The following HPCAL1 variants were observed in gnomAD, a reference collection of about 807,000 sequenced individuals.
The protein encoded by HPCAL1 is hippocalcin like 1.
In HPCAL1, 8 loss-of-function variants were observed where a neutral mutation model predicts 17.1. That is an observed-to-expected ratio of 0.47 (90% CI 0.27 to 0.84). The LOEUF (loss-of-function observed/expected upper bound fraction) is 0.84, where lower values mean the gene tolerates loss of function less well. HPCAL1 is among the 40% of genes least tolerant of loss of function. The probability of loss-of-function intolerance (pLI) is 0.13; values close to 1 mark genes in which losing one functional copy is unlikely to be tolerated. For synonymous variants in HPCAL1, 112 were observed against 111.4 expected (o/e 1.01, Z -0.03); for missense variants, 165 against 271.1 (o/e 0.61, Z 2.75).
At chr2:10,382,449 C>T (rs1446687253) in intron 1 of HPCAL1, among the ~76,000 whole-genome samples, 2 of 152,012 alleles carry the variant, frequency 1.3e-5, no homozygotes, top group African/African-American at 2.4e-5. Context: ...GTGATAATGA[C>T]GTGTGAAGAG....
intron 1 of HPCAL1, among the ~76,000 whole-genome samples, chr2:10,366,070 C>T (rs1049026732): frequency 3.9e-5 from 6 of 152,196 alleles, no homozygotes; most frequent in Admixed American, 1.3e-4. Context: ...TCGTGGTTGC[C>T]GCTGCCTCCC....
rs916302514 is a variant in HPCAL1 at position 10,419,354 on chromosome 2, G to A, written c.-24-380G>A. On this transcript the variant is annotated intron_variant, in intron 2 of 4. Transcript: ENST00000307845. This position sits in a 1 kb window ranked among gnomAD's most constrained non-coding sequence, Gnocchi z 5.0. ...GCCCCAAAGAGTCTGGGATGTGGCT[G>A]AGGTGGCCACTTTGCCAGGAGCTGA... Among the ~76,000 whole-genome samples, 1 of 152,208 alleles carries A rather than the reference G, an allele frequency of 6.6e-6. No homozygotes were observed. Among genetic ancestry groups the A allele is most frequent in the African/African-American group, 2.4e-5 (1 of 41,458 alleles).
intron 1 of HPCAL1, among the ~76,000 whole-genome samples, chr2:10,317,540 C>G (rs1405380977): frequency 2.0e-5 from 3 of 151,972 alleles, no homozygotes; most frequent in Non-Finnish European, 4.4e-5. Flanking sequence ...GCCTCAACCT[C>G]CTGAGTATCT....
In HPCAL1 at chr2:10,362,273, G is replaced by A. The variant is rs534635302; in HGVS notation, c.-110-34562G>A. ...AACGGAGCTTCGGAACCCAGGTGTCGAGAATGAGCTGTTGGCACTCAGTCC... is the reference window on the plus strand; with the variant it reads ...AACGGAGCTTCGGAACCCAGGTGTCAAGAATGAGCTGTTGGCACTCAGTCC... On this transcript the variant is annotated intron_variant, in intron 1 of 4. Transcript: ENST00000307845. This position sits in a 1 kb window ranked among gnomAD's most constrained non-coding sequence, Gnocchi z 5.0. Among the ~76,000 whole-genome samples the A allele has an allele frequency of 2.6e-5, 4 of 152,184 alleles. No individual in the cohort carries two copies. Among genetic ancestry groups the A allele is most frequent in the East Asian group, 1.9e-4 (1 of 5,170 alleles).
intron 3 of HPCAL1, among the ~76,000 whole-genome samples, chr2:10,420,563 G>C (rs1388384578): frequency 6.6e-6 from 1 of 151,992 alleles, no homozygotes. Context: ...GGTGCACTTT[G>C]GAAAGTGAGC....
At chr2:10,415,992 C>T (rs1670643804) in intron 2 of HPCAL1, among the ~76,000 whole-genome samples, 1 of 152,202 alleles carries the variant, frequency 6.6e-6, no homozygotes, top group Non-Finnish European at 1.5e-5. Context: ...GCTGCAGGGC[C>T]TCAGGCTGGG....
At chr2:10,309,175 C>T (rs1454489281) in intron 1 of HPCAL1, among the ~76,000 whole-genome samples, 5 of 152,118 alleles carry the variant, frequency 3.3e-5, no homozygotes, top group Admixed American at 1.3e-4. Context: ...GCTAGGACTA[C>T]AGGTACACAC....
intron 2 of HPCAL1, among the ~76,000 whole-genome samples, chr2:10,399,094 G>C (rs1403478501): frequency 6.6e-6 from 1 of 151,814 alleles, no homozygotes; most frequent in Non-Finnish European, 1.5e-5. Context: ...CCCGTGTCAA[G>C]AAGCTGGAGC....
rs554796629 is a variant in HPCAL1, at chr2:10,304,378, C to T, written c.-111+1201C>T. Among the ~76,000 whole-genome samples the T allele has an allele frequency of 4.6e-5, 7 of 152,092 alleles. No homozygotes were observed. The highest frequency in any genetic ancestry group is 1.7e-4 in the African/African-American group (7 of 41,468). Reference sequence around the variant, plus strand: ...CAGATCTCGGGCTCCCGGGGTGTCCCGGCCGCCAAAGGCCACCCCTTTCCT... The same window carrying T: ...CAGATCTCGGGCTCCCGGGGTGTCCTGGCCGCCAAAGGCCACCCCTTTCCT... On this transcript the variant is annotated intron_variant, in intron 1 of 4. Coordinates refer to ENST00000307845, the MANE Select transcript of HPCAL1 (RefSeq NM_002149.4). This position sits in a 1 kb window ranked among gnomAD's most constrained non-coding sequence, Gnocchi z 4.1.
intron 1 of HPCAL1, among the ~76,000 whole-genome samples, chr2:10,313,500 C>T (rs943570022): frequency 3.3e-5 from 5 of 152,228 alleles, no homozygotes; most frequent in Non-Finnish European, 7.3e-5. Flanking sequence ...GGTCAGGGCA[C>T]TGCTAGTGTT....
At chr2:10,368,029 A>G (rs1045902310) in intron 1 of HPCAL1, among the ~76,000 whole-genome samples, 6 of 151,706 alleles carry the variant, frequency 4.0e-5, no homozygotes, top group Non-Finnish European at 7.4e-5. Flanking sequence ...ATGTGTGTGC[A>G]TATGGTGACC....
intron 1 of HPCAL1, among the ~76,000 whole-genome samples, chr2:10,358,413 CT>C (rs1228092696): frequency 6.6e-6 from 1 of 152,218 alleles, no homozygotes; most frequent in Non-Finnish European, 1.5e-5. Context: ...GGCTCCACCC[CT>C]GGGCCCATGC....
intron 1 of HPCAL1, among the ~76,000 whole-genome samples, chr2:10,374,359 G>A (rs1011697313): frequency 1.3e-5 from 2 of 151,894 alleles, no homozygotes; most frequent in East Asian, 1.9e-4. Context: ...ACACACAGTG[G>A]TGTGCAGCCT....
chr2:10,422,817 G>A (rs1010659671), intron 3 of HPCAL1, among the ~76,000 whole-genome samples, 166 bp from the exon 4 acceptor site: 6 of 152,184 alleles, frequency 3.9e-5, no homozygotes, highest in African/African-American at 1.2e-4. Flanking sequence ...ATAGACACCC[G>A]TGAGGTTCAC....
chr2:10,324,816 G>GTTTTT lies in HPCAL1; in HGVS notation c.-111+21659_-111+21663dup, dbSNP rs3036350. On this transcript the variant is annotated intron_variant, in intron 1 of 4. Transcript: ENST00000307845. ...CAATATTGGGTTTGCTGGTTTTTGT[G>GTTTTT]TTTTTTTTTTTTTTTTTTTTTTTTG... 9.9e-4 allele frequency among the ~76,000 whole-genome samples: 66 copies of GTTTTT among 66,384 alleles called. 3 individuals are homozygous for GTTTTT. The highest frequency in any genetic ancestry group is 3.2e-3 in the East Asian group (6 of 1,890). The allele number at this position is 66,384 out of a possible 152,430, so 43.6% of individuals were successfully genotyped here. A position where few individuals can be genotyped will look rare whatever the true frequency, so the allele number is the denominator to read the frequency against.
At chr2:10,355,338 C>T (rs13421849) in intron 1 of HPCAL1, among the ~76,000 whole-genome samples, 1 of 147,366 alleles carries the variant, frequency 6.8e-6, no homozygotes, top group Non-Finnish European at 1.5e-5. Flanking sequence ...GTAGTCCCAG[C>T]TACTTGGGAG....
At chr2:10,370,100 C>T (rs1205982038) in intron 1 of HPCAL1, among the ~76,000 whole-genome samples, 1 of 152,222 alleles carries the variant, frequency 6.6e-6, no homozygotes, top group Non-Finnish European at 1.5e-5. Flanking sequence ...CTCCGCATTC[C>T]TTTGTATGGG....
At position 10,322,567 on chromosome 2, in the gene HPCAL1, G is replaced by T. The variant is rs548634425; in HGVS notation, c.-111+19390G>T. Reference sequence around the variant, plus strand: ...ACTGGCCCTTTCTGGCTGAGGGGCAGCCTGCTGCGAGGGGTTTCCCTTTCT... The same window carrying T: ...ACTGGCCCTTTCTGGCTGAGGGGCATCCTGCTGCGAGGGGTTTCCCTTTCT... On this transcript the variant is annotated intron_variant, in intron 1 of 4. Coordinates refer to ENST00000307845, the MANE Select transcript of HPCAL1 (RefSeq NM_002149.4). 4.6e-5 allele frequency among the ~76,000 whole-genome samples: 7 copies of T among 152,342 alleles called. 1 individual carries two copies. In the East Asian group the frequency reaches 1.4e-3, roughly 29 times the overall value.
intron 1 of HPCAL1, among the ~76,000 whole-genome samples, chr2:10,312,564 C>G (rs1663053849): frequency 7.0e-6 from 1 of 143,048 alleles, no homozygotes. Context: ...CACTGTCATC[C>G]CCATCCTCAT....
Sources: allele counts gnomAD v4.1 joint callset (sites outside exome capture counted in the v4.1 genomes callset), GRCh38; gene constraint gnomAD v4.1.1; non-coding constraint Gnocchi (gnomAD v3.1); transcripts MANE v1.5; gene names NCBI Gene and HGNC (gene_info 2026-07-23, HGNC 2026-07-21).